The following ADAMTS12 variants were observed in gnomAD, a reference collection of about 807,000 sequenced individuals.
ADAMTS12 encodes the protein ADAM metallopeptidase with thrombospondin type 1 motif 12, also known as A disintegrin and metalloproteinase with thrombospondin motifs 12.
A neutral mutation model predicts 167.8 loss-of-function variants in ADAMTS12; 118 were observed. That is an observed-to-expected ratio of 0.70 (90% confidence interval 0.61 to 0.82). The LOEUF is 0.82. Ranked by LOEUF, ADAMTS12 falls within the 40% of genes least tolerant of loss-of-function variation. The pLI is 0.00. For synonymous variants in ADAMTS12, 704 were observed against 716.9 expected (o/e 0.98, Z 0.29); for missense variants, 1,916 against 1,998.8 (o/e 0.96, Z 0.79).
Position 33,549,389 on chromosome 5 carries a change from T to C in ADAMTS12, c.4126-6A>G, listed in dbSNP as rs1467044974. Reference sequence around the variant, plus strand: ...CCACTGCAGTTTCTGGAGCACTGTATGGAGAGAAAAATCAAAGGCGATCTC... The same window carrying C: ...CCACTGCAGTTTCTGGAGCACTGTACGGAGAGAAAAATCAAAGGCGATCTC... On this transcript the variant is annotated splice_region_variant and splice_polypyrimidine_tract_variant and intron_variant, in intron 20 of 23. Coordinates refer to ENST00000504830, the MANE Select transcript of ADAMTS12 (RefSeq NM_030955.4). 6.2e-7 allele frequency: 1 copy of C among 1,604,336 alleles called. No individual in the cohort carries two copies. The highest frequency in any genetic ancestry group is 1.1e-5 in the South Asian group (1 of 90,820).
chr5:33,722,128 C>G (rs1743825629), intron 3 of ADAMTS12, among the ~76,000 whole-genome samples: 1 of 152,190 alleles, frequency 6.6e-6, no homozygotes, highest in Non-Finnish European at 1.5e-5. Context: ...GTGACTAACA[C>G]TGCAACCACA....
chr5:33,769,073 A>G (rs140604893), intron 2 of ADAMTS12, among the ~76,000 whole-genome samples: 64 of 152,068 alleles, frequency 4.2e-4, no homozygotes, highest in African/African-American at 1.5e-3. Context: ...CAGAGGCACA[A>G]CAGAAAGAAC....
intron 3 of ADAMTS12, among the ~76,000 whole-genome samples, chr5:33,692,997 T>C (rs998059864): frequency 1.3e-5 from 2 of 152,198 alleles, no homozygotes; most frequent in African/African-American, 4.8e-5. Context: ...AAGAAAATTC[T>C]GGGTGATTCC....
At chr5:33,663,379 A>G (rs1364661494) in intron 5 of ADAMTS12, among the ~76,000 whole-genome samples, 1 of 152,086 alleles carries the variant, frequency 6.6e-6, no homozygotes, top group African/African-American at 2.4e-5. Context: ...ATCATAAAAA[A>G]CTGGTCAGGT....
intron 2 of ADAMTS12, among the ~76,000 whole-genome samples, chr5:33,809,019 T>A (rs1201388670): frequency 6.6e-6 from 1 of 152,224 alleles, no homozygotes; most frequent in Admixed American, 6.5e-5. Context: ...GCTTTCCACA[T>A]CCCGCTTCTC....
chr5:33,620,038 G>C (rs1029666262), intron 14 of ADAMTS12, among the ~76,000 whole-genome samples: 3 of 152,184 alleles, frequency 2.0e-5, no homozygotes, highest in African/African-American at 7.2e-5. Flanking sequence ...TATAGGTATG[G>C]TATGCCTTTC....
Position 33,614,253 on chromosome 5 carries a change from C to T in ADAMTS12, c.2512G>A (p.Val838Met), listed in dbSNP as rs1301329002. The T allele has an allele frequency of 6.2e-7, 1 of 1,613,890 alleles. No homozygotes were observed. Among genetic ancestry groups the T allele is most frequent in the Non-Finnish European group, 8.5e-7 (1 of 1,179,912 alleles). ...WQYGHWTECS[V>M]TCGTGIRRQT... ...TGTTTCTCACCTGTCCCGCAGGTCA[C>T]ACTGCACTCTGTCCAGTGGCCGTAC... Residue 838 changes from valine (V) to methionine (M), a missense_variant, in exon 16 of 24, where the codon GTG (valine) becomes ATG (methionine). Transcript: ENST00000504830.
At chr5:33,651,013 G>A (rs1178013584) in intron 7 of ADAMTS12, among the ~76,000 whole-genome samples, 1 of 152,066 alleles carries the variant, frequency 6.6e-6, no homozygotes, top group Non-Finnish European at 1.5e-5. Context: ...CATGCATTAT[G>A]GTATTATCAA....
intron 2 of ADAMTS12, among the ~76,000 whole-genome samples, chr5:33,795,646 C>G (rs1250678679): frequency 6.6e-6 from 1 of 152,168 alleles, no homozygotes; most frequent in Admixed American, 6.5e-5. Flanking sequence ...TCTGGCTATA[C>G]TCCCAATGTG....
chr5:33,717,538 G>C (rs1454673380), intron 3 of ADAMTS12, among the ~76,000 whole-genome samples: 1 of 152,158 alleles, frequency 6.6e-6, no homozygotes, highest in Non-Finnish European at 1.5e-5. Context: ...GTAAGTGGCA[G>C]AGCAGGGACT....
chr5:33,790,462 A>C (rs982724178), intron 2 of ADAMTS12, among the ~76,000 whole-genome samples: 16 of 152,086 alleles, frequency 1.1e-4, no homozygotes, highest in Middle Eastern at 3.4e-3. Context: ...CTGAGGCAGA[A>C]GAATCGCTTG....
intron 1 of ADAMTS12, 161 bp downstream of exon 1, chr5:33,891,569 A>G (rs1750854092): frequency 4.0e-6 from 4 of 1,011,692 alleles, no homozygotes; most frequent in Non-Finnish European, 2.9e-6. Context: ...ATTCTGAGAA[A>G]GCCTAGGCTC....
intron 20 of ADAMTS12, among the ~76,000 whole-genome samples, chr5:33,556,668 A>G (rs1745499915): frequency 6.6e-6 from 1 of 152,218 alleles, no homozygotes; most frequent in African/African-American, 2.4e-5. Flanking sequence ...TGTTTGACAC[A>G]GTGTGGTCAC....
intron 3 of ADAMTS12, among the ~76,000 whole-genome samples, chr5:33,729,596 C>T (rs1744106351): frequency 6.6e-6 from 1 of 152,170 alleles, no homozygotes; most frequent in South Asian, 2.1e-4. Context: ...AATTTACATA[C>T]TTAGAAAGAG....
intron 2 of ADAMTS12, among the ~76,000 whole-genome samples, chr5:33,857,055 T>C (rs1220815495): frequency 1.3e-5 from 2 of 152,192 alleles, no homozygotes; most frequent in African/African-American, 4.8e-5. Flanking sequence ...CACGTGTGTA[T>C]ATGTGTGATA....
At chr5:33,594,877 A>G (rs1455730506) in intron 17 of ADAMTS12, among the ~76,000 whole-genome samples, 1 of 152,004 alleles carries the variant, frequency 6.6e-6, no homozygotes, top group Non-Finnish European at 1.5e-5. Context: ...TTTCTAACCT[A>G]GTTCTTGGAT....
chr5:33,611,519 T>C (rs1191410199), intron 16 of ADAMTS12, among the ~76,000 whole-genome samples: 4 of 152,210 alleles, frequency 2.6e-5, no homozygotes, highest in Admixed American at 1.3e-4. Flanking sequence ...CTGCCACCTA[T>C]TTGTAACCCA....
intron 19 of ADAMTS12, among the ~76,000 whole-genome samples, chr5:33,570,158 T>C (rs1490190656): frequency 6.6e-6 from 1 of 152,192 alleles, no homozygotes; most frequent in African/African-American, 2.4e-5. Context: ...TGGAACCAAG[T>C]TGGAAAACAC....
chr5:33,759,078 TAG>T (rs1175463918), intron 2 of ADAMTS12, among the ~76,000 whole-genome samples: 1 of 152,224 alleles, frequency 6.6e-6, no homozygotes, highest in Non-Finnish European at 1.5e-5. Context: ...TCCTTTTTGA[TAG>T]AGTCTTAGAG....
Sources: allele counts gnomAD v4.1 joint callset (sites outside exome capture counted in the v4.1 genomes callset), GRCh38; gene constraint gnomAD v4.1.1; transcripts MANE v1.5; gene names NCBI Gene and HGNC (gene_info 2026-07-23, HGNC 2026-07-21).